ZNF487: variants seen among roughly 807,000 people sequenced by gnomAD.
The protein encoded by ZNF487 is zinc finger protein 487.
In ZNF487, 4 loss-of-function variants were observed where a neutral mutation model predicts 3.0. That is an observed-to-expected ratio of 1.35 (90% CI 0.66 to 3.08). ZNF487 has a LOEUF of 3.08. Among genes scored for constraint, ZNF487 ranks in the 30% most tolerant of loss-of-function variants. ZNF487 has a pLI of 0.01. For synonymous variants in ZNF487, 55 were observed against 34.6 expected (o/e 1.59, Z -2.06); for missense variants, 146 against 98.7 (o/e 1.48, Z -2.03).
At chr10:43,481,374 T>C (rs1841351503) in intron 3 of ZNF487, 55 bp from the exon 4 acceptor site, 1 of 659,666 alleles carries the variant, frequency 1.5e-6, no homozygotes, top group Non-Finnish European at 2.7e-6. Flanking sequence ...ATGTCTCTTT[T>C]TCATGAAAAA....
the ZNF487 span, among the ~76,000 whole-genome samples, chr10:43,494,682 C>T: frequency 6.7e-6 from 1 of 148,936 alleles, no homozygotes; most frequent in Admixed American, 6.8e-5. Context: ...GCGTGAGGCT[C>T]ACACCTGTAA....
intron 1 of ZNF487, among the ~76,000 whole-genome samples, chr10:43,467,828 A>AG (rs562725249): frequency 2.0e-5 from 3 of 152,036 alleles, no homozygotes; most frequent in East Asian, 1.9e-4. Context: ...GAAAAAAAAA[A>AG]AAAAGAAAAG....
chr10:43,499,876 C>T, the ZNF487 span, among the ~76,000 whole-genome samples: 4,985 of 152,040 alleles, frequency 0.033, 268 homozygotes, highest in African/African-American at 0.11. Context: ...CACCAGTCAT[C>T]TATTTCATTT....
intron 1 of ZNF487, among the ~76,000 whole-genome samples, chr10:43,461,930 T>C (rs993441919): frequency 1.3e-5 from 2 of 152,182 alleles, no homozygotes; most frequent in African/African-American, 4.8e-5. Context: ...AAGCTATGTC[T>C]CACACACACT....
In ZNF487 at chr10:43,481,513, A is replaced by G; in HGVS notation, c.215A>G (p.Lys72Arg). The G allele has an allele frequency of 1.4e-6, 1 of 717,016 alleles. No homozygotes were observed. The highest frequency in any genetic ancestry group is 2.6e-6 in the Non-Finnish European group (1 of 384,982). The allele number at this position is 717,016 out of a possible 1,614,324, so 44.4% of individuals were successfully genotyped here. A position where few individuals can be genotyped will look rare whatever the true frequency, so the allele number is the denominator to read the frequency against. ...CAGAAAGTTGATTTTGTCAACAATA[A>G]AACACTGACTATGGACAGAAATGGT... ...HLQKVDFVNN[K>R]TLTMDRNGVL... is the part of the protein sequence containing the mutation. Residue 72 changes from lysine (K) to arginine (R), a missense_variant, in exon 4 of 4, where the codon AAA (lysine) becomes AGA (arginine). Physicochemically the swap from Lys to Arg is conservative, Grantham distance 26. Coordinates refer to ENST00000437590, the MANE Select transcript of ZNF487 (RefSeq NM_001355444.3).
intron 1 of ZNF487, among the ~76,000 whole-genome samples, chr10:43,444,891 G>C (rs965526499): frequency 6.6e-6 from 1 of 152,032 alleles, no homozygotes; most frequent in Admixed American, 6.6e-5. Context: ...GGTTTTTATT[G>C]TAAGGGTAGA....
chr10:43,522,868 C>T, the ZNF487 span, among the ~76,000 whole-genome samples: 26,497 of 152,070 alleles, frequency 0.17, 2,466 homozygotes, highest in East Asian at 0.35. Flanking sequence ...TTTTCTTTGC[C>T]GTCACCCCTC....
chr10:43,481,338 A>G, intron 3 of ZNF487, 91 bp from the exon 4 acceptor site: 1 of 626,346 alleles, frequency 1.6e-6, no homozygotes. Context: ...GTGCCAAAAA[A>G]AAAAAGAAAA....
At chr10:43,480,046 T>TC (rs1841288853) in intron 3 of ZNF487, among the ~76,000 whole-genome samples, 2 of 138,092 alleles carry the variant, frequency 1.4e-5, no homozygotes, top group African/African-American at 2.6e-5. Context: ...TTTCTTTCTT[T>TC]TTCTTTCTTT....
At chr10:43,515,949 G>T in the ZNF487 span, among the ~76,000 whole-genome samples, 70,705 of 150,940 alleles carry the variant, frequency 0.47, 18,576 homozygotes, top group East Asian at 0.73. Context: ...AATTTTTTTT[G>T]TGTGTGTGTA....
chr10:43,478,358 C>T (rs1841180537), intron 3 of ZNF487, among the ~76,000 whole-genome samples: 1 of 152,056 alleles, frequency 6.6e-6, no homozygotes, highest in Admixed American at 6.5e-5. Flanking sequence ...AGTTCGAGAC[C>T]AGCCTGACCA....
At chr10:43,486,006 A>G (rs767668799), downstream of ZNF487, among the ~76,000 whole-genome samples, 1 of 152,222 alleles carries the variant, frequency 6.6e-6, no homozygotes, top group Non-Finnish European at 1.5e-5. Context: ...TGAACAAACC[A>G]GAAGAGGTAA....
At chr10:43,496,197 G>T in the ZNF487 span, 1 of 436,880 alleles carries the variant, frequency 2.3e-6, no homozygotes. Context: ...TTTAGCAGTT[G>T]ATATACGTGA....
At chr10:43,448,564 C>A (rs1197596128) in intron 1 of ZNF487, among the ~76,000 whole-genome samples, 4 of 151,776 alleles carry the variant, frequency 2.6e-5, no homozygotes, top group Admixed American at 2.6e-4. Flanking sequence ...GCCTGTAATC[C>A]CAGCACATTG....
At chr10:43,515,469 G>T in the ZNF487 span, among the ~76,000 whole-genome samples, 1 of 152,112 alleles carries the variant, frequency 6.6e-6, no homozygotes, top group Non-Finnish European at 1.5e-5. Flanking sequence ...GTTTCTTCTG[G>T]CAAAAAAGAT....
intron 1 of ZNF487, among the ~76,000 whole-genome samples, chr10:43,446,945 A>G (rs1160121178): frequency 4.6e-5 from 7 of 152,012 alleles, no homozygotes; most frequent in Non-Finnish European, 1.0e-4. Context: ...CAATCCCGGC[A>G]CCTCAGGAGG....
At chr10:43,495,944 G>A in the ZNF487 span, 1 of 477,144 alleles carries the variant, frequency 2.1e-6, no homozygotes. Flanking sequence ...AACATGACAA[G>A]ATATTAGATC....
intron 1 of ZNF487, among the ~76,000 whole-genome samples, chr10:43,464,958 G>A (rs1023900057): frequency 3.3e-5 from 5 of 151,746 alleles, no homozygotes; most frequent in East Asian, 2.0e-4. Flanking sequence ...GGGCAGAGGC[G>A]CCCCTCACCT....
chr10:43,480,956 G>A (rs1209871905), intron 3 of ZNF487, among the ~76,000 whole-genome samples: 1 of 152,086 alleles, frequency 6.6e-6, no homozygotes, highest in Non-Finnish European at 1.5e-5. Context: ...GATGAATAAA[G>A]GTATGCATAT....
Sources: gnomAD v4.1 joint callset for allele counts (sites outside exome capture counted in the v4.1 genomes callset) on GRCh38, gnomAD v4.1.1 for gene constraint, MANE v1.5 for transcripts, NCBI Gene and HGNC (gene_info 2026-07-23, HGNC 2026-07-21) for gene names.